The following CNTNAP3B variants were observed in gnomAD, a reference collection of about 807,000 sequenced individuals.
CNTNAP3B encodes contactin-associated protein-like 3B.
Under a neutral mutation model 108.9 loss-of-function variants are expected in CNTNAP3B, and 25 were observed. The ratio of observed to expected loss-of-function variants is 0.23; its 90% CI spans 0.17 to 0.32. CNTNAP3B has a LOEUF of 0.32. Among genes scored for constraint, CNTNAP3B ranks in the 10% least tolerant of loss-of-function variants. CNTNAP3B has a pLI of 1.00. For synonymous variants in CNTNAP3B, 103 were observed against 473.4 expected (o/e 0.22, Z 10.16); for missense variants, 252 against 1,210.4 (o/e 0.21, Z 11.75).
At chr9:42,085,331 T>C (rs1475997893) in intron 2 of CNTNAP3B, among the ~76,000 whole-genome samples, 2 of 146,184 alleles carry the variant, frequency 1.4e-5, no homozygotes, top group African/African-American at 5.1e-5. Flanking sequence ...CCCACCACAA[T>C]CAAGAAAGAG....
chr9:41,948,122 C>T (rs1171632464), intron 13 of CNTNAP3B, among the ~76,000 whole-genome samples: 62 of 150,468 alleles, frequency 4.1e-4, no homozygotes, highest in South Asian at 1.7e-3. Context: ...GATGAAATCT[C>T]GTTCTGTTGT....
intron 15 of CNTNAP3B, among the ~76,000 whole-genome samples, chr9:41,925,654 T>C (rs1329397976): frequency 9.8e-5 from 15 of 152,412 alleles, no homozygotes; most frequent in African/African-American, 3.6e-4. Flanking sequence ...CTAATTTATT[T>C]GTGTATTTAT....
chr9:41,921,346 G>A (rs951001666), intron 17 of CNTNAP3B, among the ~76,000 whole-genome samples: 1 of 152,206 alleles, frequency 6.6e-6, no homozygotes, highest in Admixed American at 6.5e-5. Flanking sequence ...AAGCCTCACT[G>A]CACCTTAATA....
At chr9:41,933,798 G>A (rs1824053590) in intron 14 of CNTNAP3B, among the ~76,000 whole-genome samples, 1 of 152,206 alleles carries the variant, frequency 6.6e-6, no homozygotes, top group Non-Finnish European at 1.5e-5. Flanking sequence ...ACATGCATGA[G>A]CTTTTAAAAG....
At chr9:42,116,793 G>A (rs1460999508) in intron 1 of CNTNAP3B, among the ~76,000 whole-genome samples, 1 of 138,504 alleles carries the variant, frequency 7.2e-6, no homozygotes, top group South Asian at 2.3e-4. Flanking sequence ...CACGTGCAGA[G>A]ACACACATAG....
chr9:42,111,712 C>T lies in CNTNAP3B; in HGVS notation c.86-6973G>A, dbSNP rs546303538. On this transcript the variant is annotated intron_variant, in intron 1 of 23. Transcript: ENST00000377561. The stretch of plus-strand genomic sequence containing the variant: ...ACTCAATAAGTACACTGTCCTGAGC[C>T]CCCACCCTTATCTTCCCTCTACAGC... Among the ~76,000 whole-genome samples the T allele has an allele frequency of 2.2e-5, 3 of 138,502 alleles. 1 individual carries two copies. The highest frequency in any genetic ancestry group is 4.6e-5 in the Non-Finnish European group (3 of 64,820). The allele number at this position is 138,502 out of a possible 152,430, so 90.9% of individuals were successfully genotyped here.
At chr9:41,922,194 G>A (rs868594684) in intron 17 of CNTNAP3B, among the ~76,000 whole-genome samples, 5 of 130,588 alleles carry the variant, frequency 3.8e-5, no homozygotes, top group South Asian at 2.4e-4. Context: ...TGCAGGGCCC[G>A]GTGGCTCGCG....
At chr9:41,934,662 T>A (rs1397862523) in intron 14 of CNTNAP3B, among the ~76,000 whole-genome samples, 2 of 152,300 alleles carry the variant, frequency 1.3e-5, no homozygotes, top group East Asian at 3.8e-4. Flanking sequence ...TACAGCTATA[T>A]CTGCTTTCTT....
At position 41,969,596 on chromosome 9, in the gene CNTNAP3B, C is replaced by T. The variant is rs867396141; in HGVS notation, c.1649+478G>A. On this transcript the variant is annotated intron_variant, in intron 10 of 23. Coordinates refer to ENST00000377561, the MANE Select transcript of CNTNAP3B (RefSeq NM_001201380.3). ...ATAAAATACTATCATTTAAAAAATG[C>T]TATTTATTCCATTAGAGATGCAGTT... Among the ~76,000 whole-genome samples the T allele has an allele frequency of 2.2e-3, 330 of 151,676 alleles. No individual in the cohort carries two copies. The Middle Eastern group carries it at 0.024, about 11-fold the overall frequency.
chr9:42,080,414 C>T (rs1460252088), intron 2 of CNTNAP3B, among the ~76,000 whole-genome samples: 1 of 139,744 alleles, frequency 7.2e-6, no homozygotes, highest in Non-Finnish European at 1.5e-5. Context: ...ATCCCAGATG[C>T]ATTTTAAGGG....
chr9:42,060,085 C>T (rs1186254767), intron 3 of CNTNAP3B, among the ~76,000 whole-genome samples: 1 of 147,028 alleles, frequency 6.8e-6, no homozygotes, highest in Non-Finnish European at 1.5e-5. Flanking sequence ...TGATAGTGGG[C>T]ATCCTTGTCT....
At chr9:41,932,706 G>C (rs1165292003) in intron 14 of CNTNAP3B, among the ~76,000 whole-genome samples, 1 of 152,070 alleles carries the variant, frequency 6.6e-6, no homozygotes, top group South Asian at 2.1e-4. Context: ...TTTTAGTATA[G>C]ACGGGGTTTC....
At chr9:41,949,846 T>G (rs780742685) in intron 13 of CNTNAP3B, among the ~76,000 whole-genome samples, 7,486 of 141,360 alleles carry the variant, frequency 0.053, no homozygotes, top group Middle Eastern at 0.092. Context: ...TGACACGATG[T>G]GTACAACCCA....
In CNTNAP3B at chr9:42,118,161, T is replaced by C. The variant is rs1327872634; in HGVS notation, c.85+10849A>G. Among the ~76,000 whole-genome samples, 12 of 139,008 alleles carry C rather than the reference T, an allele frequency of 8.6e-5. 4 individuals are homozygous for C. Among genetic ancestry groups the C allele is most frequent in the Admixed American group, 8.5e-4 (12 of 14,068 alleles). The allele number at this position is 139,008 out of a possible 152,430, so 91.2% of individuals were successfully genotyped here. Reference sequence around the variant, plus strand: ...AATCAACAGAAAAAGAGGGAATCCTTCCTAACTCATTTTATGAGGCCAGCA... The same window carrying C: ...AATCAACAGAAAAAGAGGGAATCCTCCCTAACTCATTTTATGAGGCCAGCA... On this transcript the variant is annotated intron_variant, in intron 1 of 23. Transcript: ENST00000377561.
intron 13 of CNTNAP3B, among the ~76,000 whole-genome samples, chr9:41,952,514 A>T (rs2118146088): frequency 6.6e-6 from 1 of 152,398 alleles, no homozygotes; most frequent in South Asian, 2.1e-4. Context: ...TGAGTCCTGC[A>T]GGGGACTGTG....
At chr9:41,983,692 G>T (rs1284577306) in intron 9 of CNTNAP3B, 2 of 93,346 alleles carry the variant, frequency 2.1e-5, no homozygotes, top group Admixed American at 1.2e-4. Context: ...GGCGGGCATG[G>T]CTGCATTTTT....
At chr9:41,931,751 A>G (rs1408528289) in intron 14 of CNTNAP3B, among the ~76,000 whole-genome samples, 2 of 148,966 alleles carry the variant, frequency 1.3e-5, no homozygotes, top group East Asian at 3.9e-4. Flanking sequence ...GAAATTTTTT[A>G]TTAATGTGGT....
chr9:41,970,985 G>A (rs1388089283), intron 9 of CNTNAP3B, among the ~76,000 whole-genome samples: 2 of 151,364 alleles, frequency 1.3e-5, no homozygotes, highest in African/African-American at 2.5e-5. Context: ...AATAGAAAGA[G>A]ATAAAATAGA....
At chr9:42,103,326 A>G (rs1828035690) in intron 2 of CNTNAP3B, among the ~76,000 whole-genome samples, 1 of 148,876 alleles carries the variant, frequency 6.7e-6, no homozygotes, top group South Asian at 2.1e-4. Context: ...CATACTGCCT[A>G]TAACAAATGC....
Sources: gnomAD v4.1 joint callset for allele counts (sites outside exome capture counted in the v4.1 genomes callset) on GRCh38, gnomAD v4.1.1 for gene constraint, MANE v1.5 for transcripts, NCBI Gene and HGNC (gene_info 2026-07-23, HGNC 2026-07-21) for gene names.